The following FGD6 variants were observed in gnomAD, a reference collection of about 807,000 sequenced individuals.
The protein encoded by FGD6 is FYVE, RhoGEF and PH domain-containing protein 6.
In FGD6, 90 loss-of-function variants were observed where a neutral mutation model predicts 149.4. That is an observed-to-expected ratio of 0.60 (90% CI 0.51 to 0.72). The LOEUF (loss-of-function observed/expected upper bound fraction) is 0.72. Among genes scored for constraint, FGD6 ranks in the 30% least tolerant of loss-of-function variants. The pLI, the probability that FGD6 is intolerant of heterozygous loss-of-function variation, is 0.00. For synonymous variants in FGD6, 527 were observed against 584.0 expected (o/e 0.90, Z 1.41); for missense variants, 1,437 against 1,684.8 (o/e 0.85, Z 2.57).
chr12:95,214,874 T>G (rs951068263), intron 1 of FGD6, among the ~76,000 whole-genome samples: 2 of 149,606 alleles, frequency 1.3e-5, no homozygotes, highest in Non-Finnish European at 3.0e-5. Context: ...TTTTTTTTTT[T>G]TTTTTTGAGA....
intron 3 of FGD6, among the ~76,000 whole-genome samples, chr12:95,171,761 C>T (rs1227857126): frequency 6.6e-6 from 1 of 152,034 alleles, no homozygotes; most frequent in Non-Finnish European, 1.5e-5. Context: ...ATGATCCACC[C>T]CCCTCGGTCT....
intron 1 of FGD6, 139 bp downstream of exon 1, chr12:95,217,086 G>A: frequency 1.5e-6 from 2 of 1,333,816 alleles, no homozygotes; most frequent in Non-Finnish European, 2.1e-6. Flanking sequence ...AATCCCATTA[G>A]CTCCGCGCTT....
intron 8 of FGD6, among the ~76,000 whole-genome samples, chr12:95,119,793 G>T (rs113652656): frequency 9.8e-5 from 15 of 152,302 alleles, no homozygotes; most frequent in African/African-American, 3.4e-4. Flanking sequence ...AGTGGCACAC[G>T]CCTATAATCC....
intron 2 of FGD6, 35 bp from the exon 3 acceptor site, chr12:95,172,779 C>A: frequency 1.3e-6 from 2 of 1,520,118 alleles, no homozygotes; most frequent in South Asian, 1.3e-5. Flanking sequence ...TAGTCACCTT[C>A]AATAATAAGA....
rs1877665537 is a variant in FGD6, at chr12:95,081,354, C to T, written c.*166G>A. 1 of 443,636 alleles carries T rather than the reference C, an allele frequency of 2.3e-6. No homozygotes were observed. The highest frequency in any genetic ancestry group is 3.9e-6 in the Non-Finnish European group (1 of 254,358). 27.5% of individuals were successfully genotyped at this position (443,636 alleles called of 1,614,324 possible). A position where few individuals can be genotyped will look rare whatever the true frequency, so the allele number is the denominator to read the frequency against. The stretch of plus-strand genomic sequence containing the variant: ...TAAATAACATAAATGAAAAAACAAA[C>T]ACCTTTTAAAAATTGCTTATACCTA... On this transcript the variant is annotated 3_prime_UTR_variant, in exon 21 of 21. Coordinates refer to ENST00000343958, the MANE Select transcript of FGD6 (RefSeq NM_018351.4).
At chr12:95,087,084 C>T (rs1296409970) in intron 18 of FGD6, among the ~76,000 whole-genome samples, 2 of 152,020 alleles carry the variant, frequency 1.3e-5, no homozygotes, top group Non-Finnish European at 2.9e-5. Context: ...CCTGCCTTGG[C>T]CTCCCAAAGT....
intron 13 of FGD6, among the ~76,000 whole-genome samples, chr12:95,105,996 TGAGA>T (rs1444774835): frequency 6.6e-6 from 1 of 151,780 alleles, no homozygotes; most frequent in Non-Finnish European, 1.5e-5. Flanking sequence ...GGTAACAGAG[TGAGA>T]CTCTGTCACA....
chr12:95,181,055 G>A (rs10777670), intron 2 of FGD6, among the ~76,000 whole-genome samples: 35,201 of 151,894 alleles, frequency 0.23, 4,441 homozygotes, highest in African/African-American at 0.32. Context: ...TATAAATTAC[G>A]GCTTTCCCTT....
intron 2 of FGD6, among the ~76,000 whole-genome samples, chr12:95,206,608 A>G (rs1404074950): frequency 6.6e-6 from 1 of 151,834 alleles, no homozygotes; most frequent in Non-Finnish European, 1.5e-5. Flanking sequence ...GGTGGGGATC[A>G]CTTGAGCCCA....
intron 19 of FGD6, among the ~76,000 whole-genome samples, chr12:95,085,144 T>C (rs1877815804): frequency 6.6e-6 from 1 of 151,686 alleles, no homozygotes; most frequent in South Asian, 2.1e-4. Flanking sequence ...GTCAGATCAA[T>C]GCAATCTAAC....
intron 8 of FGD6, among the ~76,000 whole-genome samples, chr12:95,121,793 C>T (rs1235445716): frequency 2.0e-5 from 3 of 151,912 alleles, no homozygotes; most frequent in South Asian, 2.1e-4. Flanking sequence ...GTAGCTGGGA[C>T]GACAGATGTG....
Position 95,141,553 on chromosome 12 carries a change from G to A in FGD6, c.2686-14C>T. On this transcript the variant is annotated splice_polypyrimidine_tract_variant and intron_variant, in intron 5 of 20. Coordinates refer to ENST00000343958, the MANE Select transcript of FGD6 (RefSeq NM_018351.4). ...ATCCCGGAAATCCTATTACAGTCCA[G>A]AGCAGGAAAAACAATACACACACAT... 1.2e-6 allele frequency: 2 copies of A among 1,613,646 alleles called. No individual in the cohort carries two copies. Among genetic ancestry groups the A allele is most frequent in the Non-Finnish European group, 1.7e-6 (2 of 1,179,874 alleles).
chr12:95,101,894 G>T (rs1027663910), intron 14 of FGD6, among the ~76,000 whole-genome samples: 1 of 151,692 alleles, frequency 6.6e-6, no homozygotes, highest in African/African-American at 2.4e-5. Flanking sequence ...CGTTGGCCAG[G>T]ATGGTCTCGA....
At chr12:95,096,834 G>A (rs997670816) in intron 14 of FGD6, among the ~76,000 whole-genome samples, 5 of 152,354 alleles carry the variant, frequency 3.3e-5, no homozygotes, top group Middle Eastern at 6.8e-3. Context: ...CTCTGCTCAT[G>A]TTCTCTGCAG....
chr12:95,189,666 A>T (rs1032315911), intron 2 of FGD6: 1 of 152,018 alleles, frequency 6.6e-6, no homozygotes, highest in African/African-American at 2.4e-5. Context: ...AAAAAAAAAA[A>T]AAAAAAGAAT....
At chr12:95,086,108 C>T (rs1877855643) in intron 18 of FGD6, among the ~76,000 whole-genome samples, 200 bp from the exon 19 acceptor site, 1 of 151,708 alleles carries the variant, frequency 6.6e-6, no homozygotes, top group Non-Finnish European at 1.5e-5. Context: ...ATGTTAGAGG[C>T]AATTATAGAA....
chr12:95,083,012 A>AAAATTTATATATATATAT (rs68032073), intron 20 of FGD6, among the ~76,000 whole-genome samples: 1 of 20,018 alleles, frequency 5.0e-5, no homozygotes, highest in Non-Finnish European at 8.3e-5. Flanking sequence ...AAAAAAAAAA[A>AAAATTTATATATATATAT]ATATATATAT....
At chr12:95,161,958 A>G (rs1565912644) in intron 3 of FGD6, among the ~76,000 whole-genome samples, 1 of 151,618 alleles carries the variant, frequency 6.6e-6, no homozygotes, top group Non-Finnish European at 1.5e-5. Context: ...AAAATGGAGC[A>G]TTAAAAGTAG....
chr12:95,095,671 TA>T (rs111262416), intron 14 of FGD6, among the ~76,000 whole-genome samples: 24 of 148,010 alleles, frequency 1.6e-4, no homozygotes, highest in East Asian at 2.0e-4. Flanking sequence ...GTGACTGTGT[TA>T]AAAAAAAAAG....
Sources: gnomAD v4.1 joint callset for allele counts (sites outside exome capture counted in the v4.1 genomes callset) on GRCh38, gnomAD v4.1.1 for gene constraint, MANE v1.5 for transcripts, NCBI Gene and HGNC (gene_info 2026-07-23, HGNC 2026-07-21) for gene names.